Variants in PDE3A observed in about 807,000 individuals in gnomAD.
PDE3A encodes the protein cGMP-inhibited 3',5'-cyclic phosphodiesterase 3A.
A neutral mutation model predicts 98.3 loss-of-function variants in PDE3A; 43 were observed. The ratio of observed to expected loss-of-function variants is 0.44; its 90% CI spans 0.34 to 0.56. The LOEUF is 0.56. Ranked by LOEUF, PDE3A falls within the 20% of genes least tolerant of loss-of-function variation. The pLI is 0.01. For synonymous variants in PDE3A, 663 were observed against 567.9 expected, an observed-to-expected ratio of 1.17 and a Z score of -2.38; for missense variants, 1,427 against 1,440.7, an observed-to-expected ratio of 0.99 and a Z score of 0.15.
At chr12:20,665,287 G>C (rs967683669) in intron 15 of PDE3A, among the ~76,000 whole-genome samples, 3 of 152,150 alleles carry the variant, frequency 2.0e-5, no homozygotes, top group African/African-American at 7.2e-5. Flanking sequence ...AATAGATAAG[G>C]AATTTAGAAA....
chr12:20,506,393 C>A (rs996556325), intron 1 of PDE3A, among the ~76,000 whole-genome samples: 4 of 151,864 alleles, frequency 2.6e-5, no homozygotes, highest in Admixed American at 2.6e-4. Flanking sequence ...AAATTTTTTT[C>A]TGCATCTGTC....
intron 1 of PDE3A, among the ~76,000 whole-genome samples, chr12:20,432,745 A>T (rs1034503427): frequency 7.9e-5 from 12 of 152,208 alleles, no homozygotes; most frequent in African/African-American, 1.9e-4. Context: ...AATATTTTTT[A>T]AAACCTGTGT....
chr12:20,653,022 T>G (rs1944958443), intron 14 of PDE3A, among the ~76,000 whole-genome samples: 2 of 152,188 alleles, frequency 1.3e-5, no homozygotes, highest in Middle Eastern at 3.2e-3. Context: ...AAGGGAAAAT[T>G]CATGTATAAT....
chr12:20,544,314 A>G (rs1453711305), intron 1 of PDE3A, among the ~76,000 whole-genome samples: 3 of 151,698 alleles, frequency 2.0e-5, no homozygotes, highest in African/African-American at 7.2e-5. Context: ...AGAATTTGGT[A>G]TAACTAAACA....
chr12:20,539,205 G>A (rs1279021605), intron 1 of PDE3A, among the ~76,000 whole-genome samples: 3 of 152,206 alleles, frequency 2.0e-5, no homozygotes, highest in Middle Eastern at 3.4e-3. Context: ...ATAATGAAAT[G>A]TCTTGGGGAT....
chr12:20,643,162 G>T (rs1428440102), intron 10 of PDE3A, among the ~76,000 whole-genome samples: 1 of 152,136 alleles, frequency 6.6e-6, no homozygotes, highest in African/African-American at 2.4e-5. Context: ...ATGAGTGAAG[G>T]TGTCATCGAG....
rs138897073 is a variant in PDE3A at position 20,489,507 on chromosome 12, T to C, written c.961-67153T>C. Among the ~76,000 whole-genome samples the C allele has an allele frequency of 2.3e-3, 352 of 152,314 alleles. 2 individuals are homozygous for C. The highest frequency in any genetic ancestry group is 8.1e-3 in the African/African-American group (336 of 41,554). ...AAATGAGATAAAATAACTATTTGGTTTGTCCTATGTATATTCTATATATGA... is the reference window on the plus strand; with the variant it reads ...AAATGAGATAAAATAACTATTTGGTCTGTCCTATGTATATTCTATATATGA... On this transcript the variant is annotated intron_variant, in intron 1 of 15. Transcript: ENST00000359062.
intron 1 of PDE3A, among the ~76,000 whole-genome samples, chr12:20,493,709 C>T (rs1271771159): frequency 6.6e-6 from 1 of 152,170 alleles, no homozygotes; most frequent in African/African-American, 2.4e-5. Context: ...AAGCTCACCG[C>T]AGCCTCCGAC....
intron 2 of PDE3A, among the ~76,000 whole-genome samples, chr12:20,594,182 CT>C (rs1943407834): frequency 1.0e-5 from 1 of 97,272 alleles, no homozygotes; most frequent in African/African-American, 3.9e-5. Context: ...GTCAAAGACC[CT>C]AATTTTGTTA....
intron 2 of PDE3A, among the ~76,000 whole-genome samples, chr12:20,567,612 T>TC (rs544017873): frequency 1.1e-3 from 161 of 151,954 alleles, no homozygotes; most frequent in East Asian, 3.1e-3. Flanking sequence ...ATGTGACTAC[T>TC]CCCCCCCACT....
At chr12:20,437,100 T>C (rs1324488558) in intron 1 of PDE3A, among the ~76,000 whole-genome samples, 1 of 151,898 alleles carries the variant, frequency 6.6e-6, no homozygotes, top group African/African-American at 2.4e-5. Flanking sequence ...TCTGATTCCT[T>C]TGAGTATTGA....
intron 1 of PDE3A, among the ~76,000 whole-genome samples, chr12:20,431,613 A>ACACG (rs1555145392): frequency 5.2e-4 from 79 of 150,926 alleles, no homozygotes; most frequent in Admixed American, 1.5e-3. Flanking sequence ...ACACACACAC[A>ACACG]CACACACACG....
At chr12:20,476,330 A>G (rs1341106154) in intron 1 of PDE3A, among the ~76,000 whole-genome samples, 1 of 152,190 alleles carries the variant, frequency 6.6e-6, no homozygotes, top group Non-Finnish European at 1.5e-5. Context: ...TCAGATATTT[A>G]TGTTGTTCTA....
At chr12:20,653,653 T>G (rs2121519777) in intron 14 of PDE3A, among the ~76,000 whole-genome samples, 2 of 152,324 alleles carry the variant, frequency 1.3e-5, no homozygotes, top group South Asian at 2.1e-4. Flanking sequence ...GCCTCACCAT[T>G]GCATTTTCGT....
chr12:20,411,578 T>G (rs1423892155), intron 1 of PDE3A, among the ~76,000 whole-genome samples: 2 of 152,186 alleles, frequency 1.3e-5, no homozygotes, highest in African/African-American at 2.4e-5. Flanking sequence ...GTTTTATTAC[T>G]TTGCACCTGC....
chr12:20,458,975 AG>A (rs1400525125), intron 1 of PDE3A, among the ~76,000 whole-genome samples: 2 of 152,178 alleles, frequency 1.3e-5, no homozygotes, highest in Non-Finnish European at 2.9e-5. Flanking sequence ...AGAATATGTA[AG>A]GGTATAAAAA....
At chr12:20,485,394 A>G (rs900958188) in intron 1 of PDE3A, among the ~76,000 whole-genome samples, 11 of 152,188 alleles carry the variant, frequency 7.2e-5, no homozygotes, top group African/African-American at 2.7e-4. Flanking sequence ...CCTATTTTCA[A>G]ATAAGGTCAT....
rs1236673931 is a variant in PDE3A, at chr12:20,552,792, G to T, written c.961-3868G>T. 11 of 1,614,020 alleles carry T rather than the reference G, an allele frequency of 6.8e-6. No homozygotes were observed. The East Asian group carries it at 2.2e-4, about 33-fold the overall frequency. ...TGTTCCTGAGTAAAGTGGAGGAGAC[G>T]TTCCAGTGTATCTGCTGTCAGGAGC... On this transcript the variant is annotated intron_variant, in intron 1 of 15. Coordinates refer to ENST00000359062, the MANE Select transcript of PDE3A (RefSeq NM_000921.5). This position sits in a 1 kb window ranked among gnomAD's most constrained non-coding sequence, Gnocchi z 5.1.
chr12:20,601,704 TA>T (rs1278943438), intron 2 of PDE3A, among the ~76,000 whole-genome samples: 1 of 152,156 alleles, frequency 6.6e-6, no homozygotes, highest in Non-Finnish European at 1.5e-5. Context: ...TCCTGAGGGA[TA>T]AGACACATTT....
Sources: allele counts gnomAD v4.1 joint callset (sites outside exome capture counted in the v4.1 genomes callset), GRCh38; gene constraint gnomAD v4.1.1; non-coding constraint Gnocchi (gnomAD v3.1); transcripts MANE v1.5; gene names NCBI Gene and HGNC (gene_info 2026-07-23, HGNC 2026-07-21).